Variants in IGFL2 observed in about 807,000 individuals in gnomAD.
IGFL2 encodes insulin growth factor-like family member 2.
A neutral mutation model predicts 13.9 loss-of-function variants in IGFL2; 7 were observed. That is an observed-to-expected ratio of 0.51 (90% CI 0.29 to 0.95). The LOEUF (loss-of-function observed/expected upper bound fraction) is 0.95, where lower values mean the gene tolerates loss of function less well. Among genes scored for constraint, IGFL2 ranks in the 40% least tolerant of loss-of-function variants. The pLI, the probability that IGFL2 is intolerant of heterozygous loss-of-function variation, is 0.08. For missense variants in IGFL2, 138 were observed against 147.8 expected, an observed-to-expected ratio of 0.93 and a Z score of 0.34; for synonymous variants, 55 against 55.8, an observed-to-expected ratio of 0.99 and a Z score of 0.07.
the IGFL2 span, among the ~76,000 whole-genome samples, chr19:46,123,074 A>T: frequency 6.6e-6 from 1 of 151,174 alleles, no homozygotes; most frequent in Non-Finnish European, 1.5e-5. Flanking sequence ...AAAGATTGGT[A>T]TACCACCACT....
the IGFL2 span, among the ~76,000 whole-genome samples, chr19:46,116,577 CT>C: frequency 6.6e-6 from 1 of 152,180 alleles, no homozygotes; most frequent in African/African-American, 2.4e-5. Flanking sequence ...AGGTTTCACT[CT>C]GTTGCACAGG....
At chr19:46,116,597 G>A in the IGFL2 span, among the ~76,000 whole-genome samples, 1 of 152,106 alleles carries the variant, frequency 6.6e-6, no homozygotes, top group Non-Finnish European at 1.5e-5. Flanking sequence ...GGCTAGTCTC[G>A]AAATTCTGGC....
At chr19:46,191,283 A>G in the IGFL2 span, among the ~76,000 whole-genome samples, 1 of 151,986 alleles carries the variant, frequency 6.6e-6, no homozygotes, top group Non-Finnish European at 1.5e-5. Context: ...GAGAAAAGAG[A>G]CTGATTTGGG....
At chr19:46,156,701 A>G (rs1013917958) in intron 1 of IGFL2, among the ~76,000 whole-genome samples, 7 of 152,174 alleles carry the variant, frequency 4.6e-5, no homozygotes, top group Non-Finnish European at 1.0e-4. Flanking sequence ...GGAAAAATCA[A>G]TAATCTAAGC....
the IGFL2 span, chr19:46,195,840 T>C: frequency 6.6e-6 from 1 of 152,212 alleles, no homozygotes; most frequent in African/African-American, 2.4e-5. Flanking sequence ...GATTCACATC[T>C]AGAAGGGGAC....
At chr19:46,162,018 G>C (rs975442448), downstream of IGFL2, among the ~76,000 whole-genome samples, 3 of 152,196 alleles carry the variant, frequency 2.0e-5, no homozygotes, top group African/African-American at 7.2e-5. Flanking sequence ...TGGTCGTAAT[G>C]AATTCCCTCA....
At chr19:46,199,658 T>G in the IGFL2 span, among the ~76,000 whole-genome samples, 1 of 152,112 alleles carries the variant, frequency 6.6e-6, no homozygotes, top group East Asian at 1.9e-4. Context: ...TCAGCTAGAC[T>G]CCTCTCTCCT....
chr19:46,145,600 A>ATATGTGTG (rs1177221696), upstream of IGFL2, among the ~76,000 whole-genome samples: 49 of 94,570 alleles, frequency 5.2e-4, no homozygotes, highest in Middle Eastern at 6.8e-3. Flanking sequence ...ACTCATATAT[A>ATATGTGTG]TGTGTGTGTG....
At chr19:46,104,091 A>C in the IGFL2 span, among the ~76,000 whole-genome samples, 4 of 152,314 alleles carry the variant, frequency 2.6e-5, no homozygotes, top group East Asian at 7.7e-4. Flanking sequence ...AATCTGGAGT[A>C]GGCAAGAGAA....
At chr19:46,100,126 C>G in the IGFL2 span, among the ~76,000 whole-genome samples, 1 of 152,154 alleles carries the variant, frequency 6.6e-6, no homozygotes, top group Non-Finnish European at 1.5e-5. Context: ...GTCAACTCAT[C>G]CATCTCAGCC....
the IGFL2 span, among the ~76,000 whole-genome samples, chr19:46,122,325 T>C: frequency 6.6e-6 from 1 of 151,068 alleles, no homozygotes; most frequent in Non-Finnish European, 1.5e-5. Context: ...ATTTTTGATA[T>C]TTAGGACAAA....
At chr19:46,192,835 A>G in the IGFL2 span, among the ~76,000 whole-genome samples, 1 of 152,012 alleles carries the variant, frequency 6.6e-6, no homozygotes, top group Non-Finnish European at 1.5e-5. Flanking sequence ...TCTTATCTCC[A>G]CTTTCACTTT....
At chr19:46,159,517 G>T (rs1300034509) in intron 1 of IGFL2, 1 of 152,126 alleles carries the variant, frequency 6.6e-6, no homozygotes, top group Non-Finnish European at 1.5e-5. Flanking sequence ...AGACAAAAAC[G>T]AACACCCTTC....
the IGFL2 span, among the ~76,000 whole-genome samples, chr19:46,199,792 T>C: frequency 5.3e-5 from 8 of 152,240 alleles, no homozygotes; most frequent in Non-Finnish European, 8.8e-5. Context: ...AAGCCCGTTA[T>C]TGGGAGATGT....
At chr19:46,163,807 G>C (rs1168228285), downstream of IGFL2, 1 of 152,404 alleles carries the variant, frequency 6.6e-6, no homozygotes, top group Non-Finnish European at 1.5e-5. Flanking sequence ...TAGGGCTGCT[G>C]TGGTATTCTG....
chr19:46,139,744 T>C (rs1381475538), upstream of IGFL2, among the ~76,000 whole-genome samples: 1 of 152,136 alleles, frequency 6.6e-6, no homozygotes, highest in African/African-American at 2.4e-5. Context: ...TGGGATAGCT[T>C]ATGTAATAAG....
chr19:46,172,730 T>A, the IGFL2 span, among the ~76,000 whole-genome samples: 1 of 151,702 alleles, frequency 6.6e-6, no homozygotes. Flanking sequence ...TATATATATT[T>A]TTTTTCAGAC....
chr19:46,162,965 A>G (rs949790593), downstream of IGFL2, among the ~76,000 whole-genome samples: 2 of 151,976 alleles, frequency 1.3e-5, no homozygotes, highest in Admixed American at 6.6e-5. Context: ...AGTACAGTCA[A>G]TAGACTTCTT....
At chr19:46,078,767 G>A in the IGFL2 span, among the ~76,000 whole-genome samples, 2 of 152,284 alleles carry the variant, frequency 1.3e-5, no homozygotes, top group Non-Finnish European at 2.9e-5. Context: ...GGCAGTAGGA[G>A]ACTGCTCAGA....
Sources: gnomAD v4.1 joint callset for allele counts (sites outside exome capture counted in the v4.1 genomes callset) on GRCh38, gnomAD v4.1.1 for gene constraint, MANE v1.5 for transcripts, NCBI Gene and HGNC (gene_info 2026-07-23, HGNC 2026-07-21) for gene names.